Variants in AMPD1 observed in about 807,000 individuals in gnomAD.
AMPD1 encodes AMP deaminase 1.
Under a neutral mutation model 82.9 loss-of-function variants are expected in AMPD1, and 74 were observed. The observed-to-expected ratio is 0.89, with a 90% confidence interval of 0.74 to 1.08. The LOEUF is 1.08. Ranked by LOEUF, AMPD1 falls within the 50% of genes least tolerant of loss-of-function variation. The pLI is 0.00. For synonymous variants in AMPD1, 333 were observed against 320.5 expected, an observed-to-expected ratio of 1.04 and a Z score of -0.42; for missense variants, 881 against 924.5, an observed-to-expected ratio of 0.95 and a Z score of 0.61.
Position 114,687,119 on chromosome 1 carries a change from G to A in AMPD1, c.216-209C>T, listed in dbSNP as rs1027277298. 3.4e-5 allele frequency: 21 copies of A among 621,906 alleles called. No homozygotes were observed. In the East Asian group the frequency reaches 6.2e-4, roughly 18 times the overall value. The allele number at this position is 621,906 out of a possible 1,614,324, so 38.5% of individuals were successfully genotyped here. A position where few individuals can be genotyped will look rare whatever the true frequency, so the allele number is the denominator to read the frequency against. ...GTGCCCCTCTCCCTGGTCTACCTTG[G>A]AATGGCCTTAGCAATCCTACTAGAA... On this transcript the variant is annotated intron_variant, in intron 3 of 15. Coordinates refer to ENST00000520113, the MANE Select transcript of AMPD1 (RefSeq NM_000036.3).
In AMPD1 at chr1:114,673,121, G is replaced by A. The variant is rs1453251245; in HGVS notation, c.2237C>T (p.Thr746Ile). Residue 746 changes from threonine (T) to isoleucine (I), a missense_variant, in exon 16 of 16, where the codon ACA becomes ATA. Thr to Ile is a moderately conservative substitution (Grantham distance 89, BLOSUM62 -1). Transcript: ENST00000520113. ...TATTTGGTTTACTTTTTTTTATTCT[G>A]TTGATTTAAGACCCTCAGCAATTAA... ...LNLIAEGLKS[T>I]E The A allele has an allele frequency of 4.3e-6, 7 of 1,612,952 alleles. No individual in the cohort carries two copies. Among genetic ancestry groups the A allele is most frequent in the Non-Finnish European group, 5.9e-6 (7 of 1,179,434 alleles).
chr1:114,677,239 T>TTATTCTATTTATTTCTAGATTTA, intron 10 of AMPD1, 112 bp downstream of exon 10: 1 of 1,470,558 alleles, frequency 6.8e-7, no homozygotes, highest in Middle Eastern at 1.8e-4. Flanking sequence ...GAATGCTGTT[T>TTATTCTATTTATTTCTAGATTTA]TAACAAAGCT....
At chr1:114,673,328 C>T in intron 15 of AMPD1, 56 bp from the exon 16 acceptor site, 1 of 1,584,110 alleles carries the variant, frequency 6.3e-7, no homozygotes, top group Non-Finnish European at 8.7e-7. Flanking sequence ...CTGGTATAGA[C>T]AATAATTGCA....
chr1:114,679,623 C>T lies in AMPD1; in HGVS notation c.853G>A (p.Glu285Lys), dbSNP rs779360535. The change falls in exon 7 of 16, where the codon GAG becomes AAG. Residue 285 changes from glutamate to lysine, a missense_variant. By Grantham distance (56) the Glu-to-Lys change is moderately conservative. Transcript: ENST00000520113. ...TCTCGGTGGGGGTTGTTTTTCAGCTCCTTTAACTCGTCCATCTCGTTAAGC... is the reference window on the plus strand; with the variant it reads ...TCTCGGTGGGGGTTGTTTTTCAGCTTCTTTAACTCGTCCATCTCGTTAAGC... Reference protein sequence around the residue: ...QMLNEMDELKELKNNPHRDFY... With the variant: ...QMLNEMDELKKLKNNPHRDFY... The T allele has an allele frequency of 1.9e-6, 3 of 1,611,970 alleles. No individual in the cohort carries two copies. Among genetic ancestry groups the T allele is most frequent in the South Asian group, 2.2e-5 (2 of 90,910 alleles).
In AMPD1 at chr1:114,675,416, G is replaced by A. The variant is rs1193445316; in HGVS notation, c.1679+114C>T. On this transcript the variant is annotated intron_variant, in intron 12 of 15. Transcript: ENST00000520113. ...TAAGAGAAAGAAATTTCTGATTTGG[G>A]CCAATTGGAACCATCACAGTAATGC... is the stretch of plus-strand genomic sequence containing the variant. The A allele has an allele frequency of 6.8e-6, 8 of 1,178,798 alleles. 1 individual carries two copies. In the East Asian group the frequency reaches 1.9e-4, roughly 28 times the overall value. The allele number at this position is 1,178,798 out of a possible 1,614,324, so 73.0% of individuals were successfully genotyped here.
At chr1:114,675,453 G>A in intron 12 of AMPD1, 77 bp downstream of exon 12, 1 of 1,501,294 alleles carries the variant, frequency 6.7e-7, no homozygotes, top group Admixed American at 1.7e-5. Flanking sequence ...TGAGGCCCCT[G>A]ACCACCTTAA....
chr1:114,686,754 A>G lies in AMPD1; in HGVS notation c.372T>C (p.Tyr124=). 6.2e-7 allele frequency: 1 copy of G among 1,614,068 alleles called. No individual in the cohort carries two copies. Among genetic ancestry groups the G allele is most frequent in the Non-Finnish European group, 8.5e-7 (1 of 1,179,940 alleles). The change falls in exon 4 of 16, where the codon TAT becomes TAC. Residue 124 remains tyrosine, a synonymous_variant. Coordinates refer to ENST00000520113, the MANE Select transcript of AMPD1 (RefSeq NM_000036.3). The part of the protein sequence containing the change: ...DFQRVQITGD[Y]ASGVTVEDFE... ...GCAAGGACCAACTCACCCCAGAGGCATAGTCACCAGTAATCTGCACTCTCT... is the reference window on the plus strand; with the variant it reads ...GCAAGGACCAACTCACCCCAGAGGCGTAGTCACCAGTAATCTGCACTCTCT...
At chr1:114,695,349 A>G in intron 1 of AMPD1, 101 bp downstream of exon 1, 4 of 1,526,614 alleles carry the variant, frequency 2.6e-6, no homozygotes, top group Non-Finnish European at 3.6e-6. Flanking sequence ...CGAACCCTAA[A>G]TGAATGATCA....
At position 114,688,702 on chromosome 1, in the gene AMPD1, A is replaced by C; in HGVS notation, c.74T>G (p.Phe25Cys). 1 of 1,614,222 alleles carries C rather than the reference A, an allele frequency of 6.2e-7. No homozygotes were observed. Among genetic ancestry groups the C allele is most frequent in the Non-Finnish European group, 8.5e-7 (1 of 1,180,038 alleles). Reference sequence around the variant, plus strand: ...TCCTTCATCTTTGACTTCAGAGGCAAACACTTTTTCAGCAAAGTTGCGCAT... The same window carrying C: ...TCCTTCATCTTTGACTTCAGAGGCACACACTTTTTCAGCAAAGTTGCGCAT... The part of the protein sequence containing the change: ...DAMRNFAEKV[F>C]ASEVKDEGGR... Residue 25 changes from phenylalanine to cysteine, a missense_variant, in exon 3 of 16, where the codon TTT (phenylalanine) becomes TGT (cysteine). Around this residue, in one of 2 missense-constraint regions of AMPD1, gnomAD observed 783 missense variants for 786.4 expected, o/e 1.00. Coordinates refer to ENST00000520113, the MANE Select transcript of AMPD1 (RefSeq NM_000036.3).
chr1:114,684,062 G>A (rs1442258578), intron 5 of AMPD1, 137 bp downstream of exon 5: 6 of 938,878 alleles, frequency 6.4e-6, no homozygotes, highest in Non-Finnish European at 9.6e-6. Context: ...TTGGACACGT[G>A]AGGAAATGGG....
rs758087316 is a variant in AMPD1, at chr1:114,678,440, T to G, written c.985A>C (p.Arg329=). The G allele has an allele frequency of 6.2e-7, 1 of 1,614,228 alleles. No homozygotes were observed. Among genetic ancestry groups the G allele is most frequent in the South Asian group, 1.1e-5 (1 of 91,092 alleles). The change falls in exon 8 of 16, where the codon AGA becomes CGA. Residue 329 remains arginine (R), a synonymous_variant. Coordinates refer to ENST00000520113, the MANE Select transcript of AMPD1 (RefSeq NM_000036.3). ...TTCTCTTTGGTGCTATAGACCACTC[T>G]GTCAGCATCAATTTGGTAAGATTTC... ...IKKSYQIDAD[R]VVYSTKEKNL... is the part of the protein sequence containing the mutation.
chr1:114,677,832 T>TCCTTCCTTCCTTCCTTCCTC (rs1491215828), intron 9 of AMPD1, 78 bp downstream of exon 9: 29 of 1,285,932 alleles, frequency 2.3e-5, no homozygotes, highest in African/African-American at 3.1e-5. Flanking sequence ...CTTCCTTCCT[T>TCCTTCCTTCCTTCCTTCCTC]CCTTCCTTCC....
rs1658048271 is a variant in AMPD1 at position 114,677,933 on chromosome 1, C to T, written c.1201G>A (p.Glu401Lys). 6.2e-7 allele frequency: 1 copy of T among 1,613,562 alleles called. No individual in the cohort carries two copies. Among genetic ancestry groups the T allele is most frequent in the Admixed American group, 1.7e-5 (1 of 59,930 alleles). Residue 401 changes from glutamate to lysine, a missense_variant, in exon 9 of 16, where the codon GAA becomes AAA. Glu to Lys is a moderately conservative substitution (Grantham distance 56). Transcript: ENST00000520113. ...YLKTDNYING[E>K]YFATIIKEVG... ...ACCTTGATGATAGTGGCAAAATATT[C>T]CCCATTAATGTAATTGTCTGTCTTC...
In AMPD1 at chr1:114,680,634, AT is replaced by A. The variant is rs1474832665; in HGVS notation, c.548-157del. 2.0e-5 allele frequency among the ~76,000 whole-genome samples: 3 copies of A among 152,180 alleles called. No homozygotes were observed. In the East Asian group the frequency reaches 5.8e-4, roughly 29 times the overall value. ...TTAAGCTAACCTTTATTTTTGCATT[AT>A]TTTTTAAAGGTGACATAATAGTATA... On this transcript the variant is annotated intron_variant, in intron 5 of 15. Coordinates refer to ENST00000520113, the MANE Select transcript of AMPD1 (RefSeq NM_000036.3).
chr1:114,683,361 G>C (rs975692051), intron 5 of AMPD1, among the ~76,000 whole-genome samples: 1 of 152,158 alleles, frequency 6.6e-6, no homozygotes, highest in Admixed American at 6.5e-5. Flanking sequence ...TGTAGGGAAC[G>C]AGAAATATTT....
chr1:114,686,689 C>T (rs1283825991), intron 4 of AMPD1, 56 bp downstream of exon 4: 2 of 1,580,168 alleles, frequency 1.3e-6, no homozygotes, highest in South Asian at 1.1e-5. Context: ...GGAGCTAGAA[C>T]TGTCAAGCTG....
intron 13 of AMPD1, 42 bp downstream of exon 13, chr1:114,674,710 C>T (rs761204717): frequency 6.2e-7 from 1 of 1,602,578 alleles, no homozygotes; most frequent in Admixed American, 1.7e-5. Context: ...AAAGATTCCT[C>T]TAGCTCCAAT....
chr1:114,690,440 A>T (rs1428441028), intron 2 of AMPD1, among the ~76,000 whole-genome samples: 1 of 152,200 alleles, frequency 6.6e-6, no homozygotes, highest in African/African-American at 2.4e-5. Context: ...TGAAATGTAC[A>T]TTGGAGATGA....
intron 2 of AMPD1, among the ~76,000 whole-genome samples, chr1:114,690,645 C>T (rs1004458982): frequency 1.3e-5 from 2 of 152,174 alleles, no homozygotes; most frequent in Non-Finnish European, 2.9e-5. Context: ...TGGCAAACAT[C>T]ATGATCCATG....
Sources: allele counts gnomAD v4.1 joint callset (sites outside exome capture counted in the v4.1 genomes callset), GRCh38; gene constraint gnomAD v4.1.1; regional missense constraint gnomAD v4.1.1; transcripts MANE v1.5; gene names NCBI Gene and HGNC (gene_info 2026-07-23, HGNC 2026-07-21).